EPHA8: variants seen among roughly 807,000 people sequenced by gnomAD.
EPHA8 encodes ephrin type-A receptor 8.
In EPHA8, 58 loss-of-function variants were observed where a neutral mutation model predicts 103.6. The ratio of observed to expected loss-of-function variants is 0.56; its 90% CI spans 0.45 to 0.70. The LOEUF (loss-of-function observed/expected upper bound fraction) is 0.70, where lower values mean the gene tolerates loss of function less well. Ranked by LOEUF, EPHA8 falls within the 30% of genes least tolerant of loss-of-function variation. The pLI is 0.00. For missense variants in EPHA8, 1,304 were observed against 1,395.2 expected (o/e 0.93, Z 1.04); for synonymous variants, 559 against 572.5 (o/e 0.98, Z 0.34).
chr1:22,565,405 G>A (rs903809677), intron 1 of EPHA8, among the ~76,000 whole-genome samples: 3 of 152,128 alleles, frequency 2.0e-5, no homozygotes, highest in African/African-American at 7.2e-5. Context: ...GGGTTGGGGG[G>A]TGCTGGGGAG....
intron 2 of EPHA8, among the ~76,000 whole-genome samples, chr1:22,574,500 G>A (rs1290737698): frequency 6.6e-6 from 1 of 152,164 alleles, no homozygotes; most frequent in Non-Finnish European, 1.5e-5. Context: ...CTGGCAGCCA[G>A]CATTCTACTT....
chr1:22,601,001 A>C lies in EPHA8; in HGVS notation c.2642A>C (p.Gln881Pro), dbSNP rs1402831345. Residue 881 changes from glutamine (Q) to proline (P), a missense_variant, in exon 15 of 17, where the codon CAG becomes CCG. Transcript: ENST00000166244. The part of the protein sequence containing the change: ...MLDCWHKDRA[Q>P]RPRFSQIVSV... ...GACTGTTGGCACAAGGACCGGGCGC[A>C]GCGGCCTCGCTTCTCCCAGATTGTC... The C allele has an allele frequency of 6.2e-7, 1 of 1,612,940 alleles. No homozygotes were observed. The highest frequency in any genetic ancestry group is 1.3e-5 in the African/African-American group (1 of 75,042).
intron 13 of EPHA8, 86 bp downstream of exon 13, chr1:22,599,133 G>A (rs1641607932): frequency 7.0e-7 from 1 of 1,435,316 alleles, no homozygotes; most frequent in Non-Finnish European, 9.5e-7. Context: ...TCTGCAAGTA[G>A]CTGAATGAAG....
At chr1:22,585,054 C>CGT (rs1641161705) in intron 3 of EPHA8, among the ~76,000 whole-genome samples, 3 of 80,164 alleles carry the variant, frequency 3.7e-5, no homozygotes, top group Non-Finnish European at 6.9e-5. Context: ...TGTGTGTGCG[C>CGT]ACGCGTGTGT....
At chr1:22,595,384 C>G in intron 8 of EPHA8, 61 bp downstream of exon 8, 1 of 1,425,206 alleles carries the variant, frequency 7.0e-7, no homozygotes, top group Non-Finnish European at 9.8e-7. Context: ...CTCCTGCCTG[C>G]CCCCAGCCCC....
rs562829959 is a variant in EPHA8 at position 22,597,781 on chromosome 1, G to T, written c.2036G>T (p.Arg679Leu). The change falls in exon 11 of 17, where the codon CGG becomes CTG. Residue 679 changes from arginine to leucine, a missense_variant. Physicochemically the swap from Arg to Leu is moderately radical, Grantham distance 102. Coordinates refer to ENST00000166244, the MANE Select transcript of EPHA8 (RefSeq NM_020526.5). This position sits in a 1 kb window ranked among gnomAD's most constrained non-coding sequence, Gnocchi z 4.6. ...LKAGYTERQR[R>L]DFLSEASIMG... ...GCCGGCTACACGGAGAGACAGAGGC[G>T]GGACTTCCTGAGCGAGGCGTCCATC... 2 of 1,613,038 alleles carry T rather than the reference G, an allele frequency of 1.2e-6. No homozygotes were observed. The highest frequency in any genetic ancestry group is 1.7e-6 in the Non-Finnish European group (2 of 1,179,996).
intron 3 of EPHA8, among the ~76,000 whole-genome samples, chr1:22,578,425 C>T (rs562430357): frequency 3.2e-4 from 28 of 86,560 alleles, no homozygotes; most frequent in Admixed American, 1.4e-3. Context: ...TGCATGTGTA[C>T]GTATGTGTAC....
In EPHA8 at chr1:22,598,946, G is replaced by T. The variant is rs149930866; in HGVS notation, c.2287G>T (p.Ala763Ser). Residue 763 changes from alanine to serine, a missense_variant, in exon 13 of 17, where the codon GCC becomes TCC. Physicochemically the swap from Ala to Ser is moderately conservative, Grantham distance 99. Coordinates refer to ENST00000166244, the MANE Select transcript of EPHA8 (RefSeq NM_020526.5). The surrounding 1 kb of genome is among the most constrained non-coding windows in gnomAD (Gnocchi z 5.1). ...GGGCTATGTCCACCGAGACCTGGCC[G>T]CCCGCAACGTCCTGGTTGACAGCAA... Reference protein sequence around the residue: ...DLGYVHRDLAARNVLVDSNLV... With the variant: ...DLGYVHRDLASRNVLVDSNLV... 1.2e-6 allele frequency: 2 copies of T among 1,612,086 alleles called. No individual in the cohort carries two copies. The highest frequency in any genetic ancestry group is 1.3e-5 in the African/African-American group (1 of 74,770).
In EPHA8 at chr1:22,578,190, ATG is replaced by A. The variant is rs563605699; in HGVS notation, c.823+1317_823+1318del. ...TGTATGTGTGCATGTGTGTGCGTGCATGTGTGTGCGTGCGAGTGTGTGCGTGT... is the reference window on the plus strand; with the variant it reads ...TGTATGTGTGCATGTGTGTGCGTGCATGTGTGCGTGCGAGTGTGTGCGTGT... On this transcript the variant is annotated intron_variant, in intron 3 of 16. Coordinates refer to ENST00000166244, the MANE Select transcript of EPHA8 (RefSeq NM_020526.5). Among the ~76,000 whole-genome samples the A allele has an allele frequency of 2.0e-3, 78 of 38,424 alleles. No homozygotes were observed. The South Asian group carries it at 0.032, about 16-fold the overall frequency. The allele number at this position is 38,424 out of a possible 152,430, so 25.2% of individuals were successfully genotyped here.
At position 22,589,483 on chromosome 1, in the gene EPHA8, TCA is replaced by T. The variant is rs1299574100; in HGVS notation, c.1315+278_1315+279del. 1.4e-5 allele frequency: 20 copies of T among 1,467,372 alleles called. No homozygotes were observed. The East Asian group carries it at 3.7e-4, about 27-fold the overall frequency. The allele number at this position is 1,467,372 out of a possible 1,614,324, so 90.9% of individuals were successfully genotyped here. ...TTCCAGAACTTTCCCTCTCTGTGCC[TCA>T]GTTTCCTCCCTGGTGCAATGGGAAT... is the stretch of plus-strand genomic sequence containing the variant. On this transcript the variant is annotated intron_variant, in intron 5 of 16. Transcript: ENST00000166244. The surrounding 1 kb of genome is among the most constrained non-coding windows in gnomAD (Gnocchi z 4.3).
chr1:22,576,200 G>A lies in EPHA8; in HGVS notation c.160-17G>A. 1 of 1,592,814 alleles carries A rather than the reference G, an allele frequency of 6.3e-7. No homozygotes were observed. On this transcript the variant is annotated splice_polypyrimidine_tract_variant and intron_variant, in intron 2 of 16. Coordinates refer to ENST00000166244, the MANE Select transcript of EPHA8 (RefSeq NM_020526.5). The surrounding 1 kb of genome is among the most constrained non-coding windows in gnomAD (Gnocchi z 4.8). ...GTGCTGGCTCTGCTGTAGTGGCTGT[G>A]TTCTCTCTGCCCACAGTGGGACTCC...
At chr1:22,571,004 G>A (rs1007572630) in intron 2 of EPHA8, among the ~76,000 whole-genome samples, 3 of 152,234 alleles carry the variant, frequency 2.0e-5, no homozygotes, top group African/African-American at 7.2e-5. Context: ...GGTTGGCTGA[G>A]ATGGCATTCC....
At chr1:22,595,028 G>A (rs1056266583) in intron 7 of EPHA8, among the ~76,000 whole-genome samples, 1 of 152,194 alleles carries the variant, frequency 6.6e-6, no homozygotes, top group Non-Finnish European at 1.5e-5. Context: ...CAGGTCTCAC[G>A]AACTTGAAGA....
intron 9 of EPHA8, among the ~76,000 whole-genome samples, chr1:22,596,519 G>C (rs1373222049): frequency 6.6e-6 from 1 of 152,152 alleles, no homozygotes; most frequent in Non-Finnish European, 1.5e-5. Flanking sequence ...GGCGAATCTG[G>C]AGATGCCTCC....
rs755279880 is a variant in EPHA8, at chr1:22,599,021, G to A, written c.2362G>A (p.Asp788Asn). 33 of 1,609,106 alleles carry A rather than the reference G, an allele frequency of 2.1e-5. No individual in the cohort carries two copies. In the Middle Eastern group the frequency reaches 4.9e-4, roughly 24 times the overall value. The change falls in exon 13 of 17, where the codon GAC (aspartate) becomes AAC (asparagine). Residue 788 changes from aspartate to asparagine, a missense_variant. Transcript: ENST00000166244. The stretch of plus-strand genomic sequence containing the variant: ...CGGGCTCTCACGGGTGCTGGAGGAC[G>A]ACCCGGATGCTGCCTACACCACCAC... ...DFGLSRVLED[D>N]PDAAYTTTGG...
intron 7 of EPHA8, among the ~76,000 whole-genome samples, chr1:22,594,276 C>T (rs1179520486): frequency 2.0e-5 from 3 of 152,246 alleles, no homozygotes; most frequent in African/African-American, 4.8e-5. Flanking sequence ...CCTCTGTCAG[C>T]ATTTGCACAG....
At position 22,589,158 on chromosome 1, in the gene EPHA8, C is replaced by A; in HGVS notation, c.1267C>A (p.Pro423Thr). ...EAVNGVSDLSPEPRRAAVVNI... is the reference protein window; with the variant it reads ...EAVNGVSDLSTEPRRAAVVNI... ...CGTCAATGGCGTGTCCGACCTGAGCCCCGAGCCCCGCCGGGCCGCTGTGGT... is the reference window on the plus strand; with the variant it reads ...CGTCAATGGCGTGTCCGACCTGAGCACCGAGCCCCGCCGGGCCGCTGTGGT... The change falls in exon 5 of 17, where the codon CCC (proline) becomes ACC (threonine). Residue 423 changes from proline to threonine, a missense_variant. Pro to Thr is a conservative substitution (Grantham distance 38, BLOSUM62 -1). Coordinates refer to ENST00000166244, the MANE Select transcript of EPHA8 (RefSeq NM_020526.5). This position sits in a 1 kb window ranked among gnomAD's most constrained non-coding sequence, Gnocchi z 4.3. 1 of 1,613,872 alleles carries A rather than the reference C, an allele frequency of 6.2e-7. No homozygotes were observed. Among genetic ancestry groups the A allele is most frequent in the Non-Finnish European group, 8.5e-7 (1 of 1,179,982 alleles).
At chr1:22,599,280 T>A (rs546995010) in intron 13 of EPHA8, among the ~76,000 whole-genome samples, 1 of 152,338 alleles carries the variant, frequency 6.6e-6, no homozygotes, top group African/African-American at 2.4e-5. Context: ...ACCCCAGGGC[T>A]GGTCCCCACA....
chr1:22,585,091 ATTAATC>A (rs2148247004), intron 3 of EPHA8, among the ~76,000 whole-genome samples: 1 of 150,190 alleles, frequency 6.7e-6, no homozygotes, highest in Non-Finnish European at 1.5e-5. Context: ...GACAGTCAAA[ATTAATC>A]TTAAAAGAGG....
Sources: gnomAD v4.1 joint callset for allele counts (sites outside exome capture counted in the v4.1 genomes callset) on GRCh38, gnomAD v4.1.1 for gene constraint, Gnocchi (gnomAD v3.1) non-coding constraint, MANE v1.5 for transcripts, NCBI Gene and HGNC (gene_info 2026-07-23, HGNC 2026-07-21) for gene names.